STK32A: variants seen among roughly 807,000 people sequenced by gnomAD.
STK32A encodes serine/threonine kinase 32A, also known as serine/threonine-protein kinase 32A.
STK32A carries 41 observed loss-of-function variants against 53.2 expected under a neutral mutation model. The ratio of observed to expected loss-of-function variants is 0.77; its 90% CI spans 0.60 to 1.00. STK32A has a LOEUF of 1.00. Among genes scored for constraint, STK32A ranks in the 50% least tolerant of loss-of-function variants. STK32A has a pLI of 0.00. For missense variants in STK32A, 458 were observed against 485.8 expected (o/e 0.94, Z 0.54); for synonymous variants, 166 against 162.8 (o/e 1.02, Z -0.15).
intron 2 of STK32A, among the ~76,000 whole-genome samples, chr5:147,277,249 G>A (rs2151953928): frequency 6.6e-6 from 1 of 152,192 alleles, no homozygotes; most frequent in Non-Finnish European, 1.5e-5. Context: ...TCAAAAACCA[G>A]GAAACAGAGT....
intron 4 of STK32A, among the ~76,000 whole-genome samples, chr5:147,293,641 T>G (rs1752718534): frequency 6.6e-6 from 1 of 152,002 alleles, no homozygotes. Context: ...ATTCCAAGAT[T>G]TCAAAAGCAA....
chr5:147,389,184 G>A (rs1332008074), downstream of STK32A, among the ~76,000 whole-genome samples: 1 of 151,998 alleles, frequency 6.6e-6, no homozygotes, highest in Non-Finnish European at 1.5e-5. Flanking sequence ...ATCAGAAATG[G>A]CCATCCCCTG....
At chr5:147,314,498 C>CA (rs1171767950) in intron 4 of STK32A, among the ~76,000 whole-genome samples, 9 of 10,618 alleles carry the variant, frequency 8.5e-4, no homozygotes, top group Middle Eastern at 0.1. Context: ...AACTCCATAT[C>CA]AAAAAAAACA....
intron 2 of STK32A, among the ~76,000 whole-genome samples, chr5:147,255,458 G>T (rs1381618317): frequency 6.6e-6 from 1 of 152,180 alleles, no homozygotes; most frequent in African/African-American, 2.4e-5. Context: ...TGCGAGGGAA[G>T]TAAGAATTGA....
chr5:147,321,921 A>T (rs192852985), intron 4 of STK32A, among the ~76,000 whole-genome samples: 144 of 152,272 alleles, frequency 9.5e-4, no homozygotes, highest in Non-Finnish European at 1.8e-3. Context: ...TCCCTATTGC[A>T]TCTGCCACTC....
At position 147,235,034 on chromosome 5, in the gene STK32A, G is replaced by GCAGCCAAGCC. The variant is rs1753249067; in HGVS notation, c.-257_-256insAAGCCCAGCC. Reference sequence around the variant, plus strand: ...CCAGCCCAGCCCAGCTCAGTCCAGCGCAGCCCAGCCCAGCCCAGCCCGGCG... The same window carrying GCAGCCAAGCC: ...CCAGCCCAGCCCAGCTCAGTCCAGCGCAGCCAAGCCCAGCCCAGCCCAGCCCAGCCCGGCG... On this transcript the variant is annotated 5_prime_UTR_variant, in exon 1 of 13. Transcript: ENST00000397936. 1 of 153,710 alleles carries GCAGCCAAGCC rather than the reference G, an allele frequency of 6.5e-6. No individual in the cohort carries two copies. Among genetic ancestry groups the GCAGCCAAGCC allele is most frequent in the Non-Finnish European group, 1.4e-5 (1 of 69,392 alleles). The allele number at this position is 153,710 out of a possible 1,614,324, so 9.5% of individuals were successfully genotyped here. A position where few individuals can be genotyped will look rare whatever the true frequency, so the allele number is the denominator to read the frequency against.
chr5:147,259,894 TCTCTC>T, intron 2 of STK32A, among the ~76,000 whole-genome samples: 2 of 142,358 alleles, frequency 1.4e-5, no homozygotes, highest in Admixed American at 6.8e-5. Flanking sequence ...TCTCTCTTTC[TCTCTC>T]CTCTCTCTCT....
chr5:147,289,795 T>A (rs1388681041), intron 4 of STK32A, among the ~76,000 whole-genome samples: 1 of 152,150 alleles, frequency 6.6e-6, no homozygotes, highest in Non-Finnish European at 1.5e-5. Flanking sequence ...CATGTTGGTG[T>A]ATGCTTTTCA....
chr5:147,301,171 T>C (rs1198579455), intron 4 of STK32A, among the ~76,000 whole-genome samples: 5 of 152,174 alleles, frequency 3.3e-5, no homozygotes, highest in Admixed American at 6.6e-5. Context: ...GCAAAGGTGG[T>C]CCTTGTTATG....
At chr5:147,324,640 C>T (rs548049031) in intron 5 of STK32A, among the ~76,000 whole-genome samples, 3 of 151,982 alleles carry the variant, frequency 2.0e-5, no homozygotes, top group Non-Finnish European at 4.4e-5. Flanking sequence ...AAGGATAATA[C>T]TTTATAGTAA....
chr5:147,356,581 T>C (rs1260390103), intron 7 of STK32A, among the ~76,000 whole-genome samples: 1 of 152,150 alleles, frequency 6.6e-6, no homozygotes, highest in Non-Finnish European at 1.5e-5. Flanking sequence ...AACATGCCTC[T>C]GCTAAAATAG....
At chr5:147,393,930 G>C in the STK32A span, 8 of 1,165,078 alleles carry the variant, frequency 6.9e-6, no homozygotes, top group Non-Finnish European at 1.0e-5. Flanking sequence ...TGATTCTTTA[G>C]ATCACAACCG....
At chr5:147,391,179 G>A (rs973110916), downstream of STK32A, 5 of 152,578 alleles carry the variant, frequency 3.3e-5, no homozygotes, top group Admixed American at 6.5e-5. Context: ...GGGCTTCTCA[G>A]GGATGAGTGA....
At chr5:147,258,686 CT>C (rs55773750) in intron 2 of STK32A, among the ~76,000 whole-genome samples, 116,614 of 148,782 alleles carry the variant, frequency 0.78, 45,978 homozygotes, top group African/African-American at 0.88. Context: ...TCTCCCTCTC[CT>C]TTTTTTTTTT....
intron 4 of STK32A, among the ~76,000 whole-genome samples, chr5:147,293,108 T>C (rs538128457): frequency 1.3e-5 from 2 of 152,282 alleles, no homozygotes; most frequent in East Asian, 1.9e-4. Context: ...TAGCTGATTA[T>C]AAACCACTTT....
At chr5:147,373,143 C>A in intron 9 of STK32A, 26 bp from the exon 10 acceptor site, 5 of 1,612,076 alleles carry the variant, frequency 3.1e-6, no homozygotes, top group Non-Finnish European at 4.2e-6. Flanking sequence ...TTTCTTATGG[C>A]CTTGATGTTT....
chr5:147,328,978 A>G (rs1754730936), intron 5 of STK32A, among the ~76,000 whole-genome samples: 1 of 151,870 alleles, frequency 6.6e-6, no homozygotes, highest in Non-Finnish European at 1.5e-5. Flanking sequence ...TCTGAGAATT[A>G]CCCCCCACTA....
intron 4 of STK32A, among the ~76,000 whole-genome samples, chr5:147,297,356 A>G (rs1371832026): frequency 6.6e-6 from 1 of 152,222 alleles, no homozygotes; most frequent in East Asian, 1.9e-4. Context: ...GAAAAGAATC[A>G]ATAACAAATG....
At chr5:147,249,142 ATTTAAT>A (rs1335270847) in intron 2 of STK32A, among the ~76,000 whole-genome samples, 5 of 147,324 alleles carry the variant, frequency 3.4e-5, no homozygotes, top group African/African-American at 9.8e-5. Context: ...ACCTATTAAA[ATTTAAT>A]TTTAAGATTA....
Sources: allele counts gnomAD v4.1 joint callset (sites outside exome capture counted in the v4.1 genomes callset), GRCh38; gene constraint gnomAD v4.1.1; transcripts MANE v1.5; gene names NCBI Gene and HGNC (gene_info 2026-07-23, HGNC 2026-07-21).